Variants in RAPGEF4 observed in about 807,000 individuals in gnomAD.
RAPGEF4 encodes the protein RAP guanine-nucleotide-exchange factor (GEF) 4.
In RAPGEF4, 66 loss-of-function variants were observed where a neutral mutation model predicts 147.9. That is an observed-to-expected ratio of 0.45 (90% CI 0.37 to 0.55). The LOEUF (loss-of-function observed/expected upper bound fraction) is 0.55. Ranked by LOEUF, RAPGEF4 falls within the 20% of genes least tolerant of loss-of-function variation. RAPGEF4 has a pLI of 0.00. For synonymous variants in RAPGEF4, 419 were observed against 442.7 expected, an observed-to-expected ratio of 0.95 and a Z score of 0.67; for missense variants, 1,071 against 1,257.3, an observed-to-expected ratio of 0.85 and a Z score of 2.24.
chr2:173,048,522 A>T, intron 29 of RAPGEF4, 78 bp from the exon 30 acceptor site: 1 of 1,592,268 alleles, frequency 6.3e-7, no homozygotes, highest in Non-Finnish European at 8.6e-7. Context: ...GTATTGCAGA[A>T]ATGGTTTGTT....
intron 4 of RAPGEF4, among the ~76,000 whole-genome samples, chr2:172,818,003 C>T (rs1161036921): frequency 6.7e-6 from 1 of 148,340 alleles, no homozygotes; most frequent in Non-Finnish European, 1.5e-5. Context: ...TACTACTCAG[C>T]CATAAAAAGG....
chr2:172,883,983 C>T (rs1415215195), intron 4 of RAPGEF4, among the ~76,000 whole-genome samples: 3 of 152,162 alleles, frequency 2.0e-5, no homozygotes, highest in Non-Finnish European at 4.4e-5. Flanking sequence ...TAATTGGCCT[C>T]ATGGAGTTGG....
chr2:172,921,904 C>T (rs1362177793), intron 5 of RAPGEF4, among the ~76,000 whole-genome samples: 1 of 152,204 alleles, frequency 6.6e-6, no homozygotes, highest in East Asian at 1.9e-4. Context: ...AAAATCACAG[C>T]ATGTGAAACT....
At chr2:172,896,945 T>C (rs1359727418) in intron 4 of RAPGEF4, among the ~76,000 whole-genome samples, 1 of 152,144 alleles carries the variant, frequency 6.6e-6, no homozygotes, top group Non-Finnish European at 1.5e-5. Context: ...TGGCATGCAG[T>C]GTTCCTGTGC....
chr2:172,774,077 C>T (rs1183458899), intron 1 of RAPGEF4, among the ~76,000 whole-genome samples: 2 of 152,154 alleles, frequency 1.3e-5, no homozygotes, highest in Non-Finnish European at 2.9e-5. Context: ...TACTGTTGCG[C>T]TACTTCTAAG....
chr2:172,808,127 C>T (rs1687678869), intron 3 of RAPGEF4, among the ~76,000 whole-genome samples: 1 of 152,196 alleles, frequency 6.6e-6, no homozygotes, highest in Non-Finnish European at 1.5e-5. Flanking sequence ...AGCTTGAATA[C>T]CAGTCTTAGT....
In RAPGEF4 at chr2:172,953,285, C is replaced by G. The variant is rs183444467; in HGVS notation, c.538-7475C>G. Among the ~76,000 whole-genome samples the G allele has an allele frequency of 2.5e-3, 370 of 146,922 alleles. 2 individuals carry two copies. The highest frequency in any genetic ancestry group is 4.9e-3 in the Non-Finnish European group (325 of 66,870). The stretch of plus-strand genomic sequence containing the variant: ...TATTTATTTTATATGTAATAGTTCT[C>G]TCTATATAATTCTATATATATAATA... On this transcript the variant is annotated intron_variant, in intron 6 of 30. Transcript: ENST00000397081.
chr2:172,891,034 G>A (rs1021325026), intron 4 of RAPGEF4, among the ~76,000 whole-genome samples: 2 of 152,288 alleles, frequency 1.3e-5, no homozygotes, highest in East Asian at 1.9e-4. Context: ...GGGAGGCTGA[G>A]GCATGAGAAT....
chr2:173,014,487 G>A lies in RAPGEF4; in HGVS notation c.1682G>A (p.Gly561Asp), dbSNP rs1307152566. 1 of 1,613,842 alleles carries A rather than the reference G, an allele frequency of 6.2e-7. No homozygotes were observed. The highest frequency in any genetic ancestry group is 1.3e-5 in the African/African-American group (1 of 74,874). Reference protein sequence around the residue: ...VAHYHAQPSQGTEQEKMDYAL... With the variant: ...VAHYHAQPSQDTEQEKMDYAL... ...ACCTACCACGCACAGCCTTCACAAG[G>A]TACAGAACAGGAGAAAATGGATTAT... The change falls in exon 18 of 31, where the codon GGT becomes GAT. Residue 561 changes from glycine (G) to aspartate (D), a missense_variant. Physicochemically the swap from Gly to Asp is moderately conservative, Grantham distance 94 (BLOSUM62 -1). Transcript: ENST00000397081.
chr2:172,744,773 A>T (rs1464149496), intron 1 of RAPGEF4, among the ~76,000 whole-genome samples: 1 of 152,208 alleles, frequency 6.6e-6, no homozygotes, highest in Non-Finnish European at 1.5e-5. Context: ...ATCTTATAAA[A>T]AATAGTTTGC....
At chr2:172,844,400 T>G (rs976102239) in intron 4 of RAPGEF4, among the ~76,000 whole-genome samples, 1 of 152,146 alleles carries the variant, frequency 6.6e-6, no homozygotes, top group Non-Finnish European at 1.5e-5. Flanking sequence ...GAAATAAAAA[T>G]GTACTTCCAT....
At chr2:173,015,154 T>G (rs1162449956) in intron 18 of RAPGEF4, among the ~76,000 whole-genome samples, 1 of 152,226 alleles carries the variant, frequency 6.6e-6, no homozygotes, top group Non-Finnish European at 1.5e-5. Flanking sequence ...ATGGGATTAC[T>G]AGATCAAATG....
chr2:172,772,822 T>C (rs1050973738), intron 1 of RAPGEF4, among the ~76,000 whole-genome samples: 2 of 152,210 alleles, frequency 1.3e-5, no homozygotes, highest in African/African-American at 4.8e-5. Flanking sequence ...CAGAAGTTTA[T>C]TTCCTTATCA....
At chr2:172,847,748 G>A (rs950709808) in intron 4 of RAPGEF4, among the ~76,000 whole-genome samples, 1 of 152,216 alleles carries the variant, frequency 6.6e-6, no homozygotes, top group Non-Finnish European at 1.5e-5. Flanking sequence ...TAGTTCCAGG[G>A]ATTACGTGAA....
At chr2:173,005,465 A>G (rs1694336824) in intron 17 of RAPGEF4, among the ~76,000 whole-genome samples, 2 of 150,620 alleles carry the variant, frequency 1.3e-5, no homozygotes, top group Non-Finnish European at 3.0e-5. Flanking sequence ...AGTTCTCCAA[A>G]TGTAAAGCAA....
At position 172,965,565 on chromosome 2, in the gene RAPGEF4, A is replaced by G. The variant is rs751061609; in HGVS notation, c.702A>G (p.Gln234=). Residue 234 remains glutamine (Q), a synonymous_variant, in exon 9 of 31, where the codon CAA becomes CAG. Coordinates refer to ENST00000397081, the MANE Select transcript of RAPGEF4 (RefSeq NM_007023.4). The part of the protein sequence containing the change: ...DRKYHLKTYR[Q]CCVGTELVDW... ...TTTCTGTCTCACCTCTCCTTAGACA[A>G]TGCTGTGTGGGAACTGAACTGGTGG... The G allele has an allele frequency of 2.5e-6, 4 of 1,613,446 alleles. No homozygotes were observed. Among genetic ancestry groups the G allele is most frequent in the Middle Eastern group, 3.3e-4 (2 of 6,080 alleles).
intron 4 of RAPGEF4, among the ~76,000 whole-genome samples, chr2:172,874,006 T>A (rs1424131338): frequency 1.3e-5 from 2 of 152,200 alleles, no homozygotes; most frequent in East Asian, 3.8e-4. Flanking sequence ...AGATACCGTC[T>A]CACACCAGTT....
chr2:172,758,223 G>A (rs1322203508), intron 1 of RAPGEF4, among the ~76,000 whole-genome samples: 3 of 152,276 alleles, frequency 2.0e-5, no homozygotes, highest in South Asian at 2.1e-4. Context: ...GTGTGGGTGC[G>A]TGTGTAGGTT....
At chr2:172,988,169 T>A in intron 12 of RAPGEF4, 27 bp from the exon 13 acceptor site, 1 of 1,586,436 alleles carries the variant, frequency 6.3e-7, no homozygotes, top group Non-Finnish European at 8.5e-7. Flanking sequence ...ATTCTTATCA[T>A]AAGTCTTTTC....
Sources: allele counts gnomAD v4.1 joint callset (sites outside exome capture counted in the v4.1 genomes callset), GRCh38; gene constraint gnomAD v4.1.1; transcripts MANE v1.5; gene names NCBI Gene and HGNC (gene_info 2026-07-23, HGNC 2026-07-21).